The following FBXL20 variants were observed in gnomAD, a reference collection of about 807,000 sequenced individuals.
FBXL20 encodes F-box and leucine rich repeat protein 20, also known as F-box/LRR-repeat protein 20.
A neutral mutation model predicts 64.0 loss-of-function variants in FBXL20; 11 were observed. That is an observed-to-expected ratio of 0.17 (90% CI 0.11 to 0.28). The LOEUF is 0.28. FBXL20 is among the 10% of genes least tolerant of loss of function. The pLI is 1.00. For missense variants in FBXL20, 303 were observed against 526.2 expected (o/e 0.58, Z 4.15); for synonymous variants, 184 against 189.0 (o/e 0.97, Z 0.22).
intron 6 of FBXL20, among the ~76,000 whole-genome samples, chr17:39,287,664 C>T (rs1163767037): frequency 2.0e-5 from 3 of 152,114 alleles, no homozygotes; most frequent in Non-Finnish European, 4.4e-5. Flanking sequence ...CTTGGCCTTC[C>T]AGAGTGCTGG....
At chr17:39,320,450 G>C (rs1238783774) in intron 2 of FBXL20, among the ~76,000 whole-genome samples, 1 of 151,946 alleles carries the variant, frequency 6.6e-6, no homozygotes, top group Non-Finnish European at 1.5e-5. Context: ...CTCACAGCAC[G>C]GTTTACCAAC....
intron 6 of FBXL20, among the ~76,000 whole-genome samples, chr17:39,291,743 C>G (rs763811193): frequency 3.0e-4 from 46 of 152,194 alleles, no homozygotes; most frequent in Admixed American, 5.9e-4. Flanking sequence ...CCAAACTTTT[C>G]TTCTCTAATA....
At chr17:39,365,069 A>G (rs933883919) in intron 1 of FBXL20, among the ~76,000 whole-genome samples, 2 of 152,264 alleles carry the variant, frequency 1.3e-5, no homozygotes, top group Admixed American at 6.5e-5. Context: ...AATTTCTAAC[A>G]TACAAAGGTA....
At chr17:39,300,482 A>AT (rs1224099541) in intron 4 of FBXL20, among the ~76,000 whole-genome samples, 2 of 152,302 alleles carry the variant, frequency 1.3e-5, no homozygotes, top group East Asian at 3.9e-4. Flanking sequence ...ATACTAGGAG[A>AT]TAAAACATGG....
chr17:39,391,828 C>T (rs1258753923), intron 1 of FBXL20, among the ~76,000 whole-genome samples: 8 of 150,906 alleles, frequency 5.3e-5, no homozygotes, highest in East Asian at 3.9e-4. Context: ...TTTTCTTTTC[C>T]GCAACTACCT....
At chr17:39,400,128 T>G (rs1441475687) in intron 1 of FBXL20, among the ~76,000 whole-genome samples, 2 of 152,126 alleles carry the variant, frequency 1.3e-5, no homozygotes, top group Non-Finnish European at 2.9e-5. Flanking sequence ...AGTGATCAAG[T>G]TAAATACTAA....
chr17:39,313,192 C>A lies in FBXL20; in HGVS notation c.105-9553G>T, dbSNP rs184839862. The stretch of plus-strand genomic sequence containing the variant: ...TTGGCCTCCCAAAGTACTGGGATTA[C>A]AGGTGTGAGCCACAGTGCCCGGCCA... On this transcript the variant is annotated intron_variant, in intron 2 of 14. Coordinates refer to ENST00000264658, the MANE Select transcript of FBXL20 (RefSeq NM_032875.3). Among the ~76,000 whole-genome samples, 17 of 152,084 alleles carry A rather than the reference C, an allele frequency of 1.1e-4. No homozygotes were observed. The East Asian group carries it at 3.1e-3, about 28-fold the overall frequency.
chr17:39,343,002 T>C (rs1452418731), intron 2 of FBXL20, among the ~76,000 whole-genome samples, 178 bp downstream of exon 2: 1 of 152,206 alleles, frequency 6.6e-6, no homozygotes, highest in Non-Finnish European at 1.5e-5. Context: ...TACTAAATTT[T>C]GAAATATCTT....
chr17:39,363,427 G>A (rs988670669), intron 1 of FBXL20, among the ~76,000 whole-genome samples: 2 of 152,120 alleles, frequency 1.3e-5, no homozygotes, highest in African/African-American at 4.8e-5. Flanking sequence ...AAAGTGCTAA[G>A]ATTACAGGTG....
At chr17:39,281,298 G>C (rs900411423) in intron 9 of FBXL20, 91 bp downstream of exon 9, 1 of 1,135,500 alleles carries the variant, frequency 8.8e-7, no homozygotes, top group Non-Finnish European at 1.3e-6. Context: ...AAACAATACT[G>C]GTCTTGATGA....
At chr17:39,378,627 T>G (rs576816231) in intron 1 of FBXL20, among the ~76,000 whole-genome samples, 27 of 151,916 alleles carry the variant, frequency 1.8e-4, no homozygotes, top group African/African-American at 2.7e-4. Context: ...TTTTTTTTTT[T>G]GGGATGGAGT....
chr17:39,357,543 C>T (rs7208274), intron 1 of FBXL20, among the ~76,000 whole-genome samples: 56,242 of 151,886 alleles, frequency 0.37, 13,118 homozygotes, highest in African/African-American at 0.66. Context: ...TATCATCTTA[C>T]GCGAAACCCC....
intron 1 of FBXL20, among the ~76,000 whole-genome samples, chr17:39,353,599 CTTATTTATTTAT>C (rs376084578): frequency 9.1e-4 from 128 of 140,322 alleles, no homozygotes; most frequent in Non-Finnish European, 1.1e-3. Flanking sequence ...ACCACTACAC[CTTATTTATTTAT>C]TTATTTATTT....
intron 1 of FBXL20, among the ~76,000 whole-genome samples, chr17:39,373,132 T>C (rs2144639652): frequency 6.6e-6 from 1 of 152,130 alleles, no homozygotes; most frequent in East Asian, 1.9e-4. Flanking sequence ...ATAACCTCCA[T>C]GAAACCTTTT....
intron 2 of FBXL20, among the ~76,000 whole-genome samples, chr17:39,303,898 C>T (rs1457504259): frequency 6.6e-6 from 1 of 152,126 alleles, no homozygotes; most frequent in East Asian, 1.9e-4. Context: ...GTTGCCCAGG[C>T]TGGTCTCGAA....
At chr17:39,275,239 A>G (rs2046879223) in intron 9 of FBXL20, 139 bp from the exon 10 acceptor site, 2 of 888,466 alleles carry the variant, frequency 2.3e-6, no homozygotes, top group Non-Finnish European at 1.7e-6. Flanking sequence ...TAGCAGACCT[A>G]AAAGAAAATG....
chr17:39,274,269 T>C (rs1049494266), intron 10 of FBXL20, among the ~76,000 whole-genome samples: 5 of 152,140 alleles, frequency 3.3e-5, no homozygotes, highest in African/African-American at 1.2e-4. Flanking sequence ...CCAGGTGTGG[T>C]AGCACATGTC....
intron 1 of FBXL20, among the ~76,000 whole-genome samples, chr17:39,355,871 A>G (rs1197526294): frequency 6.6e-6 from 1 of 150,594 alleles, no homozygotes; most frequent in Non-Finnish European, 1.5e-5. Flanking sequence ...AAAAAAAAAA[A>G]AAAAAGAACT....
intron 11 of FBXL20, among the ~76,000 whole-genome samples, chr17:39,269,188 T>G (rs1228149004): frequency 6.6e-6 from 1 of 151,776 alleles, no homozygotes; most frequent in Non-Finnish European, 1.5e-5. Context: ...TTTTTGTATT[T>G]CTTTTCTTTT....
Sources: gnomAD v4.1 joint callset for allele counts (sites outside exome capture counted in the v4.1 genomes callset) on GRCh38, gnomAD v4.1.1 for gene constraint, MANE v1.5 for transcripts, NCBI Gene and HGNC (gene_info 2026-07-23, HGNC 2026-07-21) for gene names.